RYR1: variants seen among roughly 807,000 people sequenced by gnomAD.
RYR1 encodes central core disease of muscle.
A neutral mutation model predicts 583.5 loss-of-function variants in RYR1; 342 were observed. That is an observed-to-expected ratio of 0.59 (90% CI 0.54 to 0.64). The LOEUF (loss-of-function observed/expected upper bound fraction) is 0.64, where lower values mean the gene tolerates loss of function less well. Ranked by LOEUF, RYR1 falls within the 30% of genes least tolerant of loss-of-function variation. The probability of loss-of-function intolerance (pLI) is 0.00; values close to 1 mark genes in which losing one functional copy is unlikely to be tolerated. For synonymous variants in RYR1, 2,791 were observed against 2,822.5 expected (o/e 0.99, Z 0.35); for missense variants, 6,032 against 6,917.2 (o/e 0.87, Z 4.54).
At chr19:38,504,515 T>G (rs1445717280) in intron 50 of RYR1, among the ~76,000 whole-genome samples, 155 bp downstream of exon 50, 1 of 151,916 alleles carries the variant, frequency 6.6e-6, no homozygotes, top group Non-Finnish European at 1.5e-5. Flanking sequence ...AGGCTTCGAT[T>G]TGGAGGTTAT....
At chr19:38,458,435 A>G in intron 18 of RYR1, 143 bp downstream of exon 18, 1 of 805,006 alleles carries the variant, frequency 1.2e-6, no homozygotes, top group Admixed American at 2.2e-5. Flanking sequence ...ATTTCCCAAG[A>G]CCCTAACCCC....
intron 38 of RYR1, among the ~76,000 whole-genome samples, chr19:38,493,602 C>A (rs908935278): frequency 6.6e-6 from 1 of 151,496 alleles, no homozygotes; most frequent in Admixed American, 6.6e-5. Flanking sequence ...TCACTGCAAC[C>A]TCCGCCTCCT....
chr19:38,471,444 T>C (rs1455440470), intron 27 of RYR1, among the ~76,000 whole-genome samples: 1 of 152,018 alleles, frequency 6.6e-6, no homozygotes, highest in Non-Finnish European at 1.5e-5. Context: ...GTGGGAGGAT[T>C]GTTTGAGCCC....
Position 38,532,716 on chromosome 19 carries a change from G to A in RYR1, c.11239G>A (p.Glu3747Lys). Residue 3747 changes from glutamate (E) to lysine (K), a missense_variant, in exon 78 of 106, where the codon GAG (glutamate) becomes AAG (lysine). This residue lies in a region of RYR1 where 1,493 missense variants were observed against 1,715.5 expected (regional missense o/e 0.87). Transcript: ENST00000359596. Reference protein sequence around the residue: ...EGGENGEAEEEVEVSFEEKQM... With the variant: ...EGGENGEAEEKVEVSFEEKQM... ...AGGGGAGAACGGTGAAGCTGAAGAG[G>A]AGGTTGAGGTCTCCTTTGAGGTAGG... 1 of 1,614,052 alleles carries A rather than the reference G, an allele frequency of 6.2e-7. No individual in the cohort carries two copies. The highest frequency in any genetic ancestry group is 8.5e-7 in the Non-Finnish European group (1 of 1,180,028).
rs1057521916 is a variant in RYR1, at chr19:38,467,743, G to A, written c.3312G>A (p.Ala1104=). Residue 1104 remains alanine, a synonymous_variant, in exon 25 of 106, where the codon GCG becomes GCA. Transcript: ENST00000359596. ...VTTGEMRVGW[A]RPELRPDVEL... Reference sequence around the variant, plus strand: ...CAGGCGAGATGCGCGTGGGCTGGGCGAGGCCCGAGCTGAGGCCTGATGTAG... The same window carrying A: ...CAGGCGAGATGCGCGTGGGCTGGGCAAGGCCCGAGCTGAGGCCTGATGTAG... 4.3e-6 allele frequency: 7 copies of A among 1,614,104 alleles called. No individual in the cohort carries two copies. Among genetic ancestry groups the A allele is most frequent in the African/African-American group, 4.0e-5 (3 of 74,942 alleles).
chr19:38,506,955 A>G lies in RYR1; in HGVS notation c.8816+3A>G, dbSNP rs1483590394. The stretch of plus-strand genomic sequence containing the variant: ...ATGAATGGCTACGCGGTTACAAGGC[A>G]CGCGGGTTGGGGCTCCCGCGGAAGA... On this transcript the variant is annotated splice_donor_region_variant and intron_variant, in intron 57 of 105. Transcript: ENST00000359596. 1.1e-5 allele frequency: 18 copies of G among 1,612,300 alleles called. No individual in the cohort carries two copies. The highest frequency in any genetic ancestry group is 1.5e-5 in the Non-Finnish European group (18 of 1,180,008).
At chr19:38,582,508 G>A (rs931420812) in intron 101 of RYR1, among the ~76,000 whole-genome samples, 3 of 151,768 alleles carry the variant, frequency 2.0e-5, no homozygotes, top group African/African-American at 7.3e-5. Context: ...CACCCAGGCC[G>A]GGCGCAGTGA....
chr19:38,562,327 G>A (rs953013776), intron 90 of RYR1, among the ~76,000 whole-genome samples: 8 of 152,020 alleles, frequency 5.3e-5, no homozygotes, highest in African/African-American at 1.4e-4. Flanking sequence ...ACGTGGTCCC[G>A]GCATGTCCCC....
intron 76 of RYR1, 112 bp downstream of exon 76, chr19:38,529,169 A>G (rs1971621019): frequency 9.8e-7 from 1 of 1,017,662 alleles, no homozygotes. Flanking sequence ...GGGGAGCCCA[A>G]GACAGACGGA....
chr19:38,579,865 A>G, intron 99 of RYR1, 117 bp from the exon 100 acceptor site: 2 of 1,370,000 alleles, frequency 1.5e-6, no homozygotes, highest in Non-Finnish European at 2.1e-6. Context: ...GTACTCCCCA[A>G]ACAGAGCTGG....
chr19:38,472,838 A>G (rs1028640791), intron 27 of RYR1, among the ~76,000 whole-genome samples: 2 of 95,342 alleles, frequency 2.1e-5, no homozygotes, highest in African/African-American at 1.5e-4. Flanking sequence ...TCTTGTCTAA[A>G]AAAAAAAAAA....
chr19:38,583,278 CA>C (rs1446562982), intron 101 of RYR1, among the ~76,000 whole-genome samples: 4 of 122,000 alleles, frequency 3.3e-5, no homozygotes, highest in Admixed American at 9.2e-5. Context: ...GCCTGGGCAA[CA>C]AGAGCAAAAC....
At chr19:38,472,191 C>T (rs1329665141) in intron 27 of RYR1, among the ~76,000 whole-genome samples, 4 of 152,062 alleles carry the variant, frequency 2.6e-5, no homozygotes, top group South Asian at 4.2e-4. Flanking sequence ...CTCTGCCTCC[C>T]GAGTTCAAGC....
At chr19:38,563,698 G>C (rs1050187813) in intron 90 of RYR1, among the ~76,000 whole-genome samples, 10 of 152,240 alleles carry the variant, frequency 6.6e-5, no homozygotes, top group Non-Finnish European at 1.3e-4. Flanking sequence ...CGGAGGTCCA[G>C]AGAGTTAATT....
chr19:38,440,961 G>A (rs759196376), intron 2 of RYR1, 97 bp downstream of exon 2: 5 of 1,347,028 alleles, frequency 3.7e-6, no homozygotes, highest in Non-Finnish European at 5.1e-6. Flanking sequence ...CTGAAAGGAG[G>A]TGCTGACAGG....
intron 96 of RYR1, among the ~76,000 whole-genome samples, chr19:38,575,006 C>G (rs1860871062): frequency 6.7e-6 from 1 of 148,992 alleles, no homozygotes; most frequent in South Asian, 2.1e-4. Context: ...CACCACTGCA[C>G]TCCAGCCTGG....
chr19:38,468,868 G>A (rs1463870501), intron 25 of RYR1, 98 bp from the exon 26 acceptor site: 4 of 1,302,476 alleles, frequency 3.1e-6, no homozygotes, highest in Non-Finnish European at 4.3e-6. Flanking sequence ...CTGACACTTC[G>A]AATGTCTGTC....
chr19:38,543,946 C>T lies in RYR1; in HGVS notation c.12012+71C>T. The T allele has an allele frequency of 6.9e-7, 1 of 1,459,224 alleles. No individual in the cohort carries two copies. The highest frequency in any genetic ancestry group is 1.2e-5 in the South Asian group (1 of 84,416). The allele number at this position is 1,459,224 out of a possible 1,614,324, so 90.4% of individuals were successfully genotyped here. A position where few individuals can be genotyped will look rare whatever the true frequency, so the allele number is the denominator to read the frequency against. On this transcript the variant is annotated intron_variant, in intron 87 of 105. Transcript: ENST00000359596. This position sits in a 1 kb window ranked among gnomAD's most constrained non-coding sequence, Gnocchi z 4.4. ...CAAGTGGTCCATTTCCAAGTCTTGC[C>T]CCTTTGGTCAGTTTGTCACCCGAGT... is the stretch of plus-strand genomic sequence containing the variant.
intron 58 of RYR1, among the ~76,000 whole-genome samples, chr19:38,508,448 G>T (rs1335644421): frequency 1.3e-5 from 2 of 152,104 alleles, no homozygotes; most frequent in Non-Finnish European, 2.9e-5. Context: ...TCTCGACCTC[G>T]TGATCTGCCG....
Sources: gnomAD v4.1 joint callset for allele counts (sites outside exome capture counted in the v4.1 genomes callset) on GRCh38, gnomAD v4.1.1 for gene constraint, gnomAD v4.1.1 regional missense constraint, Gnocchi (gnomAD v3.1) non-coding constraint, MANE v1.5 for transcripts, NCBI Gene and HGNC (gene_info 2026-07-23, HGNC 2026-07-21) for gene names.